FCHSD2: variants seen among roughly 807,000 people sequenced by gnomAD.
FCHSD2 encodes the protein FCH and double SH3 domains 2, also known as F-BAR and double SH3 domains protein 2.
In FCHSD2, 38 loss-of-function variants were observed where a neutral mutation model predicts 108.1. That is an observed-to-expected ratio of 0.35 (90% confidence interval 0.27 to 0.46). The LOEUF is 0.46. Among genes scored for constraint, FCHSD2 ranks in the 20% least tolerant of loss-of-function variants. FCHSD2 has a pLI of 1.00. For missense variants in FCHSD2, 751 were observed against 897.8 expected, an observed-to-expected ratio of 0.84 and a Z score of 2.09; for synonymous variants, 279 against 314.7, an observed-to-expected ratio of 0.89 and a Z score of 1.20.
intron 8 of FCHSD2, among the ~76,000 whole-genome samples, chr11:72,972,952 T>C (rs1396298508): frequency 6.6e-6 from 1 of 152,244 alleles, no homozygotes; most frequent in Non-Finnish European, 1.5e-5. Context: ...TGCATACCAC[T>C]TCTAGGTATA....
At chr11:73,031,044 T>A (rs185663457) in intron 3 of FCHSD2, among the ~76,000 whole-genome samples, 1 of 151,802 alleles carries the variant, frequency 6.6e-6, no homozygotes, top group Non-Finnish European at 1.5e-5. Flanking sequence ...AAAAGGGAGA[T>A]CCTGCTATTT....
intron 3 of FCHSD2, among the ~76,000 whole-genome samples, chr11:73,020,100 T>C (rs975408864): frequency 6.6e-6 from 1 of 152,218 alleles, no homozygotes; most frequent in African/African-American, 2.4e-5. Context: ...AATATACTCT[T>C]TGAAACATGC....
chr11:72,870,077 C>T (rs890810898), intron 12 of FCHSD2, among the ~76,000 whole-genome samples: 46 of 152,184 alleles, frequency 3.0e-4, no homozygotes, highest in African/African-American at 9.9e-4. Context: ...TGCCTGTGTG[C>T]GTGCCAGTCC....
At chr11:72,841,372 CAG>C in intron 18 of FCHSD2, 80 bp downstream of exon 18, 1 of 790,748 alleles carries the variant, frequency 1.3e-6, no homozygotes, top group Non-Finnish European at 1.9e-6. Flanking sequence ...AAAGCAAATG[CAG>C]TTTTTTTTTG....
At chr11:73,096,987 A>AATTTTTTT (rs1860095700) in intron 2 of FCHSD2, among the ~76,000 whole-genome samples, 7 of 27,046 alleles carry the variant, frequency 2.6e-4, no homozygotes, top group African/African-American at 9.9e-4. Flanking sequence ...TCATTGATGG[A>AATTTTTTT]TTTTTTTTTT....
Position 72,887,457 on chromosome 11 carries a change from G to C in FCHSD2, c.1146+13C>G, listed in dbSNP as rs993941263. 2 of 1,567,326 alleles carry C rather than the reference G, an allele frequency of 1.3e-6. No individual in the cohort carries two copies. Among genetic ancestry groups the C allele is most frequent in the Admixed American group, 1.7e-5 (1 of 58,186 alleles). On this transcript the variant is annotated intron_variant, in intron 12 of 19. Transcript: ENST00000409418. ...AGACCTGGGCAAAATGCCACAATTA[G>C]CTGCCACCTTACCTCTGCTTTACGA...
At chr11:72,841,394 CGAA>C (rs1860935083) in intron 18 of FCHSD2, 57 bp downstream of exon 18, 3 of 1,079,272 alleles carry the variant, frequency 2.8e-6, no homozygotes, top group Non-Finnish European at 4.0e-6. Context: ...GCCCTTCAGG[CGAA>C]TATGTAGGTT....
At chr11:72,840,059 GCCA>G (rs1300440296) in intron 19 of FCHSD2, among the ~76,000 whole-genome samples, 3 of 152,124 alleles carry the variant, frequency 2.0e-5, no homozygotes, top group Non-Finnish European at 4.4e-5. Context: ...AGTCCATCTT[GCCA>G]CCACTTCTTT....
At chr11:72,973,582 G>A (rs1322052912) in intron 8 of FCHSD2, among the ~76,000 whole-genome samples, 1 of 152,214 alleles carries the variant, frequency 6.6e-6, no homozygotes, top group Non-Finnish European at 1.5e-5. Context: ...TGTCAGAGTG[G>A]TAGTTACAAT....
chr11:73,094,937 GCTC>G (rs1169100307), intron 2 of FCHSD2, among the ~76,000 whole-genome samples: 1 of 152,086 alleles, frequency 6.6e-6, no homozygotes, highest in Non-Finnish European at 1.5e-5. Context: ...AAATTATTTG[GCTC>G]CTAATAAAAA....
chr11:72,940,433 G>A (rs1856392088), intron 8 of FCHSD2: 1 of 619,688 alleles, frequency 1.6e-6, no homozygotes, highest in South Asian at 1.9e-5. Context: ...AGTATAATAT[G>A]TGGCAATAAA....
intron 10 of FCHSD2, among the ~76,000 whole-genome samples, chr11:72,891,433 CTT>C (rs1350020901): frequency 1.3e-5 from 2 of 152,180 alleles, no homozygotes; most frequent in Non-Finnish European, 1.5e-5. Flanking sequence ...AATATTCAAA[CTT>C]AACCATCTTT....
chr11:73,098,670 A>G (rs1860147333), intron 2 of FCHSD2, among the ~76,000 whole-genome samples: 1 of 152,212 alleles, frequency 6.6e-6, no homozygotes, highest in Non-Finnish European at 1.5e-5. Context: ...CTAAACTGAG[A>G]AAGAATAGTC....
chr11:72,955,729 G>T (rs1565340399), intron 8 of FCHSD2, among the ~76,000 whole-genome samples: 1 of 152,118 alleles, frequency 6.6e-6, no homozygotes, highest in Non-Finnish European at 1.5e-5. Context: ...AAGGTCTTAG[G>T]AGCCCTGTGA....
chr11:72,957,028 TTTTTC>T (rs1357550719), intron 8 of FCHSD2, among the ~76,000 whole-genome samples: 4 of 151,926 alleles, frequency 2.6e-5, no homozygotes, highest in Non-Finnish European at 4.4e-5. Context: ...TCTTTTTTTT[TTTTTC>T]TTCTTTTTTT....
intron 9 of FCHSD2, among the ~76,000 whole-genome samples, chr11:72,916,037 C>T (rs113436162): frequency 2.6e-4 from 40 of 152,088 alleles, no homozygotes; most frequent in African/African-American, 9.6e-4. Flanking sequence ...GGGAACAACG[C>T]ACACTAGGGC....
intron 8 of FCHSD2, among the ~76,000 whole-genome samples, chr11:72,978,070 C>T (rs1404560189): frequency 6.6e-6 from 1 of 151,884 alleles, no homozygotes; most frequent in Non-Finnish European, 1.5e-5. Context: ...GACAGAAAAC[C>T]AAACACCACA....
At chr11:73,077,098 A>AAAAAAAAAAAAAAAAGAAAAAG (rs1491554338) in intron 3 of FCHSD2, among the ~76,000 whole-genome samples, 2 of 86,260 alleles carry the variant, frequency 2.3e-5, no homozygotes, top group African/African-American at 6.6e-5. Context: ...ACTCTGTCTC[A>AAAAAAAAAAAAAAAAGAAAAAG]AAAAAAAAAA....
In FCHSD2 at chr11:72,950,383, G is replaced by A. The variant is rs561148169; in HGVS notation, c.706-28433C>T. On this transcript the variant is annotated intron_variant, in intron 8 of 19. Coordinates refer to ENST00000409418, the MANE Select transcript of FCHSD2 (RefSeq NM_014824.3). ...TTCTTTGGTTGCTTGTGTTTTTGGTGATATCTGAGAAACTGTTGCCTATTC... is the reference window on the plus strand; with the variant it reads ...TTCTTTGGTTGCTTGTGTTTTTGGTAATATCTGAGAAACTGTTGCCTATTC... 4.6e-5 allele frequency among the ~76,000 whole-genome samples: 7 copies of A among 151,710 alleles called. No homozygotes were observed. In the South Asian group the frequency reaches 1.2e-3, roughly 27 times the overall value.
Sources: allele counts gnomAD v4.1 joint callset (sites outside exome capture counted in the v4.1 genomes callset), GRCh38; gene constraint gnomAD v4.1.1; transcripts MANE v1.5; gene names NCBI Gene and HGNC (gene_info 2026-07-23, HGNC 2026-07-21).